Variants in SYNDIG1 observed in about 807,000 individuals in gnomAD.
The protein encoded by SYNDIG1 is synapse differentiation-inducing gene protein 1.
A neutral mutation model predicts 19.4 loss-of-function variants in SYNDIG1; 9 were observed. That is an observed-to-expected ratio of 0.46 (90% CI 0.28 to 0.81). SYNDIG1 has a LOEUF of 0.81. Among genes scored for constraint, SYNDIG1 ranks in the 30% least tolerant of loss-of-function variants. The pLI, the probability that SYNDIG1 is intolerant of heterozygous loss-of-function variation, is 0.12. For missense variants in SYNDIG1, 311 were observed against 343.3 expected, an observed-to-expected ratio of 0.91 and a Z score of 0.74; for synonymous variants, 141 against 145.9, an observed-to-expected ratio of 0.97 and a Z score of 0.24.
chr20:24,549,905 A>G (rs888887856), intron 2 of SYNDIG1, among the ~76,000 whole-genome samples: 1 of 152,146 alleles, frequency 6.6e-6, no homozygotes, highest in Non-Finnish European at 1.5e-5. Context: ...ACCATCCCCA[A>G]CCAAACTCCT....
At chr20:24,643,323 C>G (rs1434321493) in intron 3 of SYNDIG1, among the ~76,000 whole-genome samples, 1 of 152,108 alleles carries the variant, frequency 6.6e-6, no homozygotes, top group Non-Finnish European at 1.5e-5. Context: ...GTAACTTTAT[C>G]AGCTAGAGTG....
chr20:24,543,636 G>T, intron 2 of SYNDIG1, 59 bp downstream of exon 2: 1 of 1,555,518 alleles, frequency 6.4e-7, no homozygotes, highest in Non-Finnish European at 8.7e-7. Context: ...TTCTAGGGAG[G>T]GCAGGAGCCA....
chr20:24,656,103 G>C (rs2059522994), intron 3 of SYNDIG1, among the ~76,000 whole-genome samples: 2 of 152,204 alleles, frequency 1.3e-5, no homozygotes, highest in South Asian at 4.1e-4. Flanking sequence ...GGAAGGCCTT[G>C]GGGGTTATAC....
At chr20:24,566,858 G>A (rs6138323) in intron 2 of SYNDIG1, among the ~76,000 whole-genome samples, 9 of 152,164 alleles carry the variant, frequency 5.9e-5, no homozygotes, top group South Asian at 2.1e-4. Context: ...GCATTCCTAC[G>A]GCTGCTAGGG....
At chr20:24,478,066 C>G (rs1293895918) in intron 1 of SYNDIG1, among the ~76,000 whole-genome samples, 1 of 152,188 alleles carries the variant, frequency 6.6e-6, no homozygotes, top group Non-Finnish European at 1.5e-5. Context: ...CACAGGGCCG[C>G]CTGGCTGCCC....
chr20:24,623,182 A>AT (rs1021471923), intron 3 of SYNDIG1, among the ~76,000 whole-genome samples: 51 of 151,960 alleles, frequency 3.4e-4, no homozygotes, highest in African/African-American at 7.0e-4. Context: ...CCGTCAAAAA[A>AT]AAAAAAGAAA....
At chr20:24,645,669 G>T (rs1429698750) in intron 3 of SYNDIG1, among the ~76,000 whole-genome samples, 1 of 152,222 alleles carries the variant, frequency 6.6e-6, no homozygotes, top group Admixed American at 6.5e-5. Flanking sequence ...CTCACCAGCT[G>T]CAGGTCTGCA....
At chr20:24,641,104 A>G (rs991105498) in intron 3 of SYNDIG1, among the ~76,000 whole-genome samples, 33 of 152,244 alleles carry the variant, frequency 2.2e-4, no homozygotes, top group Non-Finnish European at 5.9e-5. Context: ...ATTCATGAGC[A>G]CTTACTACAA....
chr20:24,633,513 T>C (rs914006014), intron 3 of SYNDIG1, among the ~76,000 whole-genome samples: 5 of 152,150 alleles, frequency 3.3e-5, no homozygotes, highest in Admixed American at 3.3e-4. Flanking sequence ...CCAAAGAACC[T>C]TGTTGAAACC....
At chr20:24,567,132 G>C (rs780398758) in intron 2 of SYNDIG1, among the ~76,000 whole-genome samples, 2 of 152,076 alleles carry the variant, frequency 1.3e-5, no homozygotes, top group Non-Finnish European at 2.9e-5. Flanking sequence ...TCAGGCTTGC[G>C]GATGGTTTGA....
intron 1 of SYNDIG1, among the ~76,000 whole-genome samples, chr20:24,471,037 C>T (rs1568749945): frequency 6.6e-6 from 1 of 152,054 alleles, no homozygotes; most frequent in African/African-American, 2.4e-5. Flanking sequence ...GAGGCGTGCG[C>T]GCGCGAGTCC....
chr20:24,590,472 G>A (rs1254676843), intron 3 of SYNDIG1, among the ~76,000 whole-genome samples: 8 of 152,132 alleles, frequency 5.3e-5, no homozygotes, highest in Non-Finnish European at 1.5e-5. Flanking sequence ...AGCCTTCAGA[G>A]AACAGGGCGG....
rs548828302 is a variant in SYNDIG1 at position 24,518,047 on chromosome 20, C to T, written c.-78-24973C>T. ...GGTCTTGATCTCTTGATCTCGTGAT[C>T]CACCTGCCTCAGCTTCCCAAAGTGC... On this transcript the variant is annotated intron_variant, in intron 1 of 3. Transcript: ENST00000376862. Among the ~76,000 whole-genome samples, 12 of 151,892 alleles carry T rather than the reference C, an allele frequency of 7.9e-5. No homozygotes were observed. The South Asian group carries it at 2.5e-3, about 32-fold the overall frequency.
chr20:24,584,850 T>C lies in SYNDIG1; in HGVS notation c.481-6T>C, dbSNP rs1465265272. 2 of 1,614,132 alleles carry C rather than the reference T, an allele frequency of 1.2e-6. No homozygotes were observed. The highest frequency in any genetic ancestry group is 1.7e-6 in the Non-Finnish European group (2 of 1,180,024). On this transcript the variant is annotated splice_polypyrimidine_tract_variant and splice_region_variant and intron_variant, in intron 2 of 3. Coordinates refer to ENST00000376862, the MANE Select transcript of SYNDIG1 (RefSeq NM_024893.3). ...CCTGTCCTGTCCTGCTGGTTCTCTC[T>C]TGCAGAGCGACTACTCAAGCGACAC...
At chr20:24,572,201 C>T (rs377036759) in intron 2 of SYNDIG1, among the ~76,000 whole-genome samples, 3 of 152,306 alleles carry the variant, frequency 2.0e-5, no homozygotes, top group South Asian at 2.1e-4. Context: ...TTCTGTGTGG[C>T]GAGCAGCAGG....
intron 3 of SYNDIG1, among the ~76,000 whole-genome samples, chr20:24,591,919 A>G (rs1443605996): frequency 6.6e-6 from 1 of 152,220 alleles, no homozygotes; most frequent in East Asian, 1.9e-4. Context: ...TTCACATTAC[A>G]AATACCCACA....
chr20:24,608,540 C>T (rs866796196), intron 3 of SYNDIG1, among the ~76,000 whole-genome samples: 4 of 152,166 alleles, frequency 2.6e-5, no homozygotes, highest in East Asian at 1.9e-4. Flanking sequence ...GTGACAGCAC[C>T]GCAAGGCCCC....
Position 24,665,792 on chromosome 20 carries a change from C to T in SYNDIG1, c.*288C>T, listed in dbSNP as rs931699108. 1.5e-4 allele frequency: 63 copies of T among 424,482 alleles called. No individual in the cohort carries two copies. Among genetic ancestry groups the T allele is most frequent in the African/African-American group, 5.0e-4 (24 of 47,722 alleles). 26.3% of individuals were successfully genotyped at this position (424,482 alleles called of 1,614,324 possible). A position where few individuals can be genotyped will look rare whatever the true frequency, so the allele number is the denominator to read the frequency against. On this transcript the variant is annotated 3_prime_UTR_variant, in exon 4 of 4. Coordinates refer to ENST00000376862, the MANE Select transcript of SYNDIG1 (RefSeq NM_024893.3). ...GGATTCTGGTGGATGAATGGCAACG[C>T]GGCTCTCTGCAGCCTGCCAGTGCCC...
At chr20:24,662,089 T>C (rs2059609699) in intron 3 of SYNDIG1, among the ~76,000 whole-genome samples, 1 of 151,976 alleles carries the variant, frequency 6.6e-6, no homozygotes, top group South Asian at 2.1e-4. Flanking sequence ...GGCCACTTGA[T>C]AGTGACCATT....
Sources: allele counts gnomAD v4.1 joint callset (sites outside exome capture counted in the v4.1 genomes callset), GRCh38; gene constraint gnomAD v4.1.1; transcripts MANE v1.5; gene names NCBI Gene and HGNC (gene_info 2026-07-23, HGNC 2026-07-21).